The following C3orf33 variants were observed in gnomAD, a reference collection of about 807,000 sequenced individuals.
The protein encoded by C3orf33 is AP-1 activity suppressor.
In C3orf33, 23 loss-of-function variants were observed where a neutral mutation model predicts 28.7. That is an observed-to-expected ratio of 0.80 (90% confidence interval 0.58 to 1.13). C3orf33 has a LOEUF of 1.13. Ranked by LOEUF, C3orf33 falls within the 50% of genes most tolerant of loss-of-function variation. The pLI, the probability that C3orf33 is intolerant of heterozygous loss-of-function variation, is 0.00. For synonymous variants in C3orf33, 119 were observed against 120.5 expected (o/e 0.99, Z 0.08); for missense variants, 327 against 353.4 (o/e 0.93, Z 0.60).
At position 155,802,534 on chromosome 3, in the gene C3orf33, G is replaced by A; in HGVS notation, c.172C>T (p.Leu58=). 1 of 1,601,230 alleles carries A rather than the reference G, an allele frequency of 6.2e-7. No individual in the cohort carries two copies. The highest frequency in any genetic ancestry group is 8.5e-7 in the Non-Finnish European group (1 of 1,175,586). The part of the protein sequence containing the change: ...GIMLLLRSIR[L]TSKFTSSSDI... Reference sequence around the variant, plus strand: ...GTCTTTTTCATTTTTTAACTTACCAGTCGAATGCTTCTCAAAAGTAACATT... The same window carrying A: ...GTCTTTTTCATTTTTTAACTTACCAATCGAATGCTTCTCAAAAGTAACATT... Residue 58 remains leucine, a splice_region_variant and synonymous_variant, in exon 2 of 5, where the codon CTG becomes TTG. Coordinates refer to ENST00000340171, the MANE Select transcript of C3orf33 (RefSeq NM_001308229.2).
intron 1 of C3orf33, among the ~76,000 whole-genome samples, chr3:155,805,229 G>A (rs35316639): frequency 0.43 from 64,490 of 151,416 alleles, 15,880 homozygotes; most frequent in Middle Eastern, 0.57. Context: ...TTGGGAGGCC[G>A]AGGCGGGCAG....
intron 2 of C3orf33, among the ~76,000 whole-genome samples, chr3:155,785,697 T>C (rs1751079159): frequency 6.6e-6 from 1 of 152,062 alleles, no homozygotes; most frequent in South Asian, 2.1e-4. Context: ...GTGAAAGCAG[T>C]GCTAAGGGAG....
intron 2 of C3orf33, among the ~76,000 whole-genome samples, chr3:155,783,384 A>G (rs1047148062): frequency 7.3e-5 from 11 of 151,200 alleles, no homozygotes; most frequent in Admixed American, 6.6e-4. Context: ...TGAACTCCTG[A>G]CCTCAGGTGA....
chr3:155,804,385 A>G (rs1751755007), intron 1 of C3orf33, among the ~76,000 whole-genome samples: 1 of 152,102 alleles, frequency 6.6e-6, no homozygotes, highest in South Asian at 2.1e-4. Context: ...ATTAACACAT[A>G]TATTATTTAC....
At chr3:155,775,139 C>G (rs1750702137) in intron 3 of C3orf33, among the ~76,000 whole-genome samples, 1 of 152,052 alleles carries the variant, frequency 6.6e-6, no homozygotes, top group Non-Finnish European at 1.5e-5. Context: ...GGTTCTAGAC[C>G]ATAATAGGTG....
At chr3:155,774,591 T>A (rs1405178413) in intron 3 of C3orf33, among the ~76,000 whole-genome samples, 2 of 151,790 alleles carry the variant, frequency 1.3e-5, no homozygotes, top group Non-Finnish European at 2.9e-5. Context: ...GTGGGCCACA[T>A]GCAGCCCAGG....
rs1431952234 is a variant in C3orf33, at chr3:155,767,613, C to T, written c.379G>A (p.Gly127Arg). 6.3e-7 allele frequency: 1 copy of T among 1,588,896 alleles called. No homozygotes were observed. The highest frequency in any genetic ancestry group is 8.6e-7 in the Non-Finnish European group (1 of 1,164,668). Reference sequence around the variant, plus strand: ...AGCTCTTTTTGTAACCATGCCTTCCCAGTTTCAGCGAGTTCTACTCCAGCC... The same window carrying T: ...AGCTCTTTTTGTAACCATGCCTTCCTAGTTTCAGCGAGTTCTACTCCAGCC... ...KLAGVELAET[G>R]KAWLQKELKP... Residue 127 changes from glycine to arginine, a missense_variant, in exon 4 of 5, where the codon GGG becomes AGG. By Grantham distance (125) the Gly-to-Arg change is moderately radical. Transcript: ENST00000340171.
intron 3 of C3orf33, among the ~76,000 whole-genome samples, chr3:155,770,713 G>A (rs1037470184): frequency 9.2e-5 from 14 of 152,050 alleles, no homozygotes; most frequent in Non-Finnish European, 2.1e-4. Context: ...TTGTCACCCA[G>A]GCTGAAGTGC....
Position 155,806,223 on chromosome 3 carries a change from C to T in C3orf33, c.30G>A (p.Ser10=), listed in dbSNP as rs1577444331. Residue 10 remains serine, a synonymous_variant, in exon 1 of 5, where the codon TCG becomes TCA. Coordinates refer to ENST00000340171, the MANE Select transcript of C3orf33 (RefSeq NM_001308229.2). Reference sequence around the variant, plus strand: ...CCATTCCGTCCTTGTCGGCAGACGGCGAGCCGGTGGCCGCGGGCTGCCCCG... The same window carrying T: ...CCATTCCGTCCTTGTCGGCAGACGGTGAGCCGGTGGCCGCGGGCTGCCCCG... MAGQPAATG[S]PSADKDGMEP... 21 of 1,481,162 alleles carry T rather than the reference C, an allele frequency of 1.4e-5. No homozygotes were observed. The highest frequency in any genetic ancestry group is 1.8e-5 in the Non-Finnish European group (20 of 1,115,838). 91.8% of individuals were successfully genotyped at this position (1,481,162 alleles called of 1,614,324 possible). A position where few individuals can be genotyped will look rare whatever the true frequency, so the allele number is the denominator to read the frequency against.
chr3:155,793,224 C>A (rs378992), intron 2 of C3orf33, among the ~76,000 whole-genome samples: 119,433 of 148,072 alleles, frequency 0.81, 48,260 homozygotes, highest in East Asian at 0.91. Flanking sequence ...AAAAAAAAAA[C>A]CTGTAATTAC....
rs761243525 is a variant in C3orf33 at position 155,806,125 on chromosome 3, C to T, written c.114+14G>A. 1.4e-6 allele frequency: 2 copies of T among 1,405,736 alleles called. No homozygotes were observed. The highest frequency in any genetic ancestry group is 1.9e-6 in the Non-Finnish European group (2 of 1,065,180). 87.1% of individuals were successfully genotyped at this position (1,405,736 alleles called of 1,614,324 possible). A position where few individuals can be genotyped will look rare whatever the true frequency, so the allele number is the denominator to read the frequency against. On this transcript the variant is annotated intron_variant, in intron 1 of 4. Transcript: ENST00000340171. ...CCGCGCCCACCACCCGCCCAGACTG[C>T]GTGGCCCCAGTACCCGGACTAGGCG... is the stretch of plus-strand genomic sequence containing the variant.
Position 155,767,623 on chromosome 3 carries a change from G to C in C3orf33, c.369C>G (p.Leu123=). 2 of 1,586,062 alleles carry C rather than the reference G, an allele frequency of 1.3e-6. No homozygotes were observed. Among genetic ancestry groups the C allele is most frequent in the Non-Finnish European group, 1.7e-6 (2 of 1,163,048 alleles). The part of the protein sequence containing the change: ...ALLVKLAGVE[L]AETGKAWLQK... Reference sequence around the variant, plus strand: ...GTAACCATGCCTTCCCAGTTTCAGCGAGTTCTACTCCAGCCAACTTAACCA... The same window carrying C: ...GTAACCATGCCTTCCCAGTTTCAGCCAGTTCTACTCCAGCCAACTTAACCA... Residue 123 remains leucine (L), a synonymous_variant, in exon 4 of 5, where the codon CTC becomes CTG. Transcript: ENST00000340171.
intron 2 of C3orf33, among the ~76,000 whole-genome samples, chr3:155,783,057 T>C (rs1750979150): frequency 6.6e-6 from 1 of 152,208 alleles, no homozygotes; most frequent in Non-Finnish European, 1.5e-5. Context: ...TTGTTCTTGT[T>C]TAACAGCCAA....
chr3:155,798,465 A>C (rs1370282245), intron 2 of C3orf33, among the ~76,000 whole-genome samples: 3 of 152,190 alleles, frequency 2.0e-5, no homozygotes, highest in Non-Finnish European at 4.4e-5. Context: ...AAACAAATCC[A>C]TACATCTACA....
chr3:155,774,666 CTTTT>C (rs62815064), intron 3 of C3orf33, among the ~76,000 whole-genome samples: 32 of 95,234 alleles, frequency 3.4e-4, no homozygotes, highest in Admixed American at 4.8e-4. Context: ...TATTGTTTTG[CTTTT>C]TTTTTTTTTT....
intron 4 of C3orf33, among the ~76,000 whole-genome samples, chr3:155,766,708 G>A (rs1018848226): frequency 5.9e-5 from 9 of 152,208 alleles, no homozygotes; most frequent in African/African-American, 2.2e-4. Context: ...CAGCACTTTG[G>A]GAGGCTGAGG....
chr3:155,797,582 G>C (rs2109279309), intron 2 of C3orf33, among the ~76,000 whole-genome samples: 1 of 152,068 alleles, frequency 6.6e-6, no homozygotes, highest in East Asian at 1.9e-4. Flanking sequence ...AAAGACTATT[G>C]GAACTGATAA....
At chr3:155,784,172 C>T (rs1751030060) in intron 2 of C3orf33, among the ~76,000 whole-genome samples, 1 of 152,028 alleles carries the variant, frequency 6.6e-6, no homozygotes, top group South Asian at 2.1e-4. Flanking sequence ...TCAGGTGATC[C>T]TCCTGCCTCA....
chr3:155,781,073 C>T (rs1750907473), intron 2 of C3orf33, among the ~76,000 whole-genome samples: 1 of 151,794 alleles, frequency 6.6e-6, no homozygotes, highest in Non-Finnish European at 1.5e-5. Context: ...TCTCGGCTCA[C>T]TGCAAGCTCC....
Sources: allele counts gnomAD v4.1 joint callset (sites outside exome capture counted in the v4.1 genomes callset), GRCh38; gene constraint gnomAD v4.1.1; transcripts MANE v1.5; gene names NCBI Gene and HGNC (gene_info 2026-07-23, HGNC 2026-07-21).